TOP2B: variants seen among roughly 807,000 people sequenced by gnomAD.
TOP2B encodes DNA topoisomerase II beta, also known as DNA topoisomerase 2-beta.
TOP2B carries 51 observed loss-of-function variants against 193.5 expected under a neutral mutation model. That is an observed-to-expected ratio of 0.26 (90% CI 0.21 to 0.33). The LOEUF is 0.33. Ranked by LOEUF, TOP2B falls within the 10% of genes least tolerant of loss-of-function variation. The pLI, the probability that TOP2B is intolerant of heterozygous loss-of-function variation, is 1.00. For missense variants in TOP2B, 1,378 were observed against 1,909.3 expected (o/e 0.72, Z 5.19); for synonymous variants, 634 against 635.7 (o/e 1.00, Z 0.04).
chr3:25,630,325 G>C lies in TOP2B; in HGVS notation c.1550C>G (p.Ala517Gly). 1 of 1,551,268 alleles carries C rather than the reference G, an allele frequency of 6.4e-7. No individual in the cohort carries two copies. The highest frequency in any genetic ancestry group is 8.7e-7 in the Non-Finnish European group (1 of 1,146,688). ...ACACATACATACCTGTTTATGAGAAGCTTCCCGTACATTAAGAATTTTGCC... is the reference window on the plus strand; with the variant it reads ...ACACATACATACCTGTTTATGAGAACCTTCCCGTACATTAAGAATTTTGCC... Reference protein sequence around the residue: ...LRGKILNVREASHKQIMENAE... With the variant: ...LRGKILNVREGSHKQIMENAE... Residue 517 changes from alanine (A) to glycine (G), a missense_variant, in exon 12 of 36, where the codon GCT becomes GGT. This residue lies in a region of TOP2B where 66 missense variants were observed against 153.3 expected (regional missense o/e 0.43). Transcript: ENST00000264331.
chr3:25,635,755 G>T (rs2125385008), intron 7 of TOP2B, among the ~76,000 whole-genome samples, 181 bp downstream of exon 7: 1 of 148,524 alleles, frequency 6.7e-6, no homozygotes, highest in Non-Finnish European at 1.5e-5. Context: ...GGAAAGGAAA[G>T]AACAAGACAG....
Position 25,609,794 on chromosome 3 carries a change from C to T in TOP2B, c.3787-82G>A, listed in dbSNP as rs145608910. On this transcript the variant is annotated intron_variant, in intron 28 of 35. Transcript: ENST00000264331. ...AGAGATAGTTTCAATCAACAGATAG[C>T]GCCTTCAAATCAGGTAAATTTAAAA... The T allele has an allele frequency of 4.3e-4, 574 of 1,330,102 alleles. 3 individuals are homozygous for T. The South Asian group carries it at 7.8e-3, about 18-fold the overall frequency. 82.4% of individuals were successfully genotyped at this position (1,330,102 alleles called of 1,614,324 possible). A position where few individuals can be genotyped will look rare whatever the true frequency, so the allele number is the denominator to read the frequency against.
At chr3:25,658,070 A>AAAACAAAAAAAAAAAAAAC in intron 1 of TOP2B, among the ~76,000 whole-genome samples, 1 of 74,612 alleles carries the variant, frequency 1.3e-5, no homozygotes, top group Non-Finnish European at 2.5e-5. Context: ...CAAAAAAAAA[A>AAAACAAAAAAAAAAAAAAC]AAAAAAAATT....
chr3:25,625,569 G>GT (rs754963649), intron 18 of TOP2B, among the ~76,000 whole-genome samples: 5 of 151,734 alleles, frequency 3.3e-5, no homozygotes, highest in Non-Finnish European at 5.9e-5. Flanking sequence ...TTTGTTTTTT[G>GT]GTTTTTTTGC....
intron 33 of TOP2B, among the ~76,000 whole-genome samples, chr3:25,604,212 T>C (rs1184001038): frequency 1.3e-5 from 2 of 152,322 alleles, no homozygotes; most frequent in Non-Finnish European, 2.9e-5. Context: ...GTGGGGTTTT[T>C]TTTAAGTGTC....
intron 1 of TOP2B, among the ~76,000 whole-genome samples, chr3:25,656,056 T>C (rs1032400325): frequency 5.9e-5 from 9 of 152,158 alleles, no homozygotes; most frequent in Non-Finnish European, 1.2e-4. Context: ...ACATGTGAAA[T>C]GTAGATGACT....
intron 7 of TOP2B, among the ~76,000 whole-genome samples, chr3:25,635,645 T>A (rs1412849924): frequency 6.6e-6 from 1 of 151,184 alleles, no homozygotes; most frequent in Non-Finnish European, 1.5e-5. Flanking sequence ...GGGATAGAAA[T>A]TAAACCAATA....
At position 25,598,199 on chromosome 3, in the gene TOP2B, A is replaced by AATT. The variant is rs1445559716; in HGVS notation, c.*105_*107dup. 1.0e-5 allele frequency: 12 copies of AATT among 1,192,778 alleles called. No individual in the cohort carries two copies. The highest frequency in any genetic ancestry group is 6.1e-5 in the African/African-American group (4 of 65,246). The allele number at this position is 1,192,778 out of a possible 1,614,324, so 73.9% of individuals were successfully genotyped here. On this transcript the variant is annotated 3_prime_UTR_variant, in exon 36 of 36. Coordinates refer to ENST00000264331, the MANE Select transcript of TOP2B (RefSeq NM_001330700.2). ...CCTACCACAATAATAAAAAACCGTC[A>AATT]ATTACATCATCACATTAAAATAAGC...
chr3:25,618,538 CAAGAT>C lies in TOP2B; in HGVS notation c.3260-34_3260-30del, dbSNP rs1702572356. On this transcript the variant is annotated intron_variant, in intron 24 of 35. Transcript: ENST00000264331. ...TGTGAGGGAAAAATAAAGTTAGGATCAAGATAAGAGATTCAATTTGTATTTGCTTA... is the reference window on the plus strand; with the variant it reads ...TGTGAGGGAAAAATAAAGTTAGGATCAAGAGATTCAATTTGTATTTGCTTA... 5 of 1,580,010 alleles carry C rather than the reference CAAGAT, an allele frequency of 3.2e-6. No homozygotes were observed. In the African/African-American group the frequency reaches 4.1e-5, roughly 13 times the overall value.
rs1236100241 is a variant in TOP2B, at chr3:25,637,315, G to A, written c.542-3C>T. On this transcript the variant is annotated splice_polypyrimidine_tract_variant and splice_region_variant and intron_variant, in intron 5 of 35. Coordinates refer to ENST00000264331, the MANE Select transcript of TOP2B (RefSeq NM_001330700.2). ...TGCACCATAACCATTACGACCACCT[G>A]TAAGAAAAATTAAATGTAAAAGGTT... The A allele has an allele frequency of 1.3e-6, 2 of 1,540,790 alleles. No individual in the cohort carries two copies. Among genetic ancestry groups the A allele is most frequent in the South Asian group, 1.2e-5 (1 of 82,502 alleles).
Position 25,609,548 on chromosome 3 carries a change from A to G in TOP2B, c.3931+20T>C. ...ATATTTTTTCTCTCACACACATGCA[A>G]AACTATAATCATTTCTCACCAGGCT... On this transcript the variant is annotated intron_variant, in intron 29 of 35. Coordinates refer to ENST00000264331, the MANE Select transcript of TOP2B (RefSeq NM_001330700.2). 1 of 1,601,588 alleles carries G rather than the reference A, an allele frequency of 6.2e-7. No individual in the cohort carries two copies. Among genetic ancestry groups the G allele is most frequent in the Non-Finnish European group, 8.5e-7 (1 of 1,173,764 alleles).
Position 25,633,837 on chromosome 3 carries a change from T to G in TOP2B, c.1026+4A>C. The G allele has an allele frequency of 6.2e-7, 1 of 1,601,766 alleles. No individual in the cohort carries two copies. The highest frequency in any genetic ancestry group is 8.5e-7 in the Non-Finnish European group (1 of 1,174,508). On this transcript the variant is annotated splice_donor_region_variant and intron_variant, in intron 8 of 35. Coordinates refer to ENST00000264331, the MANE Select transcript of TOP2B (RefSeq NM_001330700.2). ...ACTTGGAAACAAATAATTTGCTTACTTACTTTTGTAGTTGCAATACTATTT... is the reference window on the plus strand; with the variant it reads ...ACTTGGAAACAAATAATTTGCTTACGTACTTTTGTAGTTGCAATACTATTT...
chr3:25,648,557 T>G (rs1703478784), intron 1 of TOP2B, among the ~76,000 whole-genome samples: 1 of 152,162 alleles, frequency 6.6e-6, no homozygotes, highest in South Asian at 2.1e-4. Flanking sequence ...GCCGATTCAA[T>G]GTAAAAAACT....
intron 18 of TOP2B, chr3:25,625,068 G>A: frequency 3.8e-6 from 1 of 263,402 alleles, no homozygotes; most frequent in Non-Finnish European, 7.2e-6. Flanking sequence ...ACAACATTCT[G>A]GCCTTAAAGA....
At chr3:25,640,813 A>G (rs1003238433) in intron 4 of TOP2B, among the ~76,000 whole-genome samples, 7 of 142,218 alleles carry the variant, frequency 4.9e-5, no homozygotes, top group Non-Finnish European at 9.0e-5. Flanking sequence ...GCTAGAGTAC[A>G]GTGGCACAAT....
At chr3:25,619,213 A>G (rs911780874) in intron 23 of TOP2B, among the ~76,000 whole-genome samples, 16 of 152,170 alleles carry the variant, frequency 1.1e-4, no homozygotes, top group African/African-American at 3.9e-4. Context: ...AAAATGTTCA[A>G]GTTTTTCCTC....
intron 25 of TOP2B, among the ~76,000 whole-genome samples, chr3:25,617,105 A>G (rs1301152768): frequency 6.6e-6 from 1 of 152,150 alleles, no homozygotes; most frequent in African/African-American, 2.4e-5. Context: ...AATAACTGAA[A>G]TCAAGCTAGG....
rs983289701 is a variant in TOP2B, at chr3:25,644,484, T to G, written c.241-700A>C. On this transcript the variant is annotated intron_variant, in intron 2 of 35. Coordinates refer to ENST00000264331, the MANE Select transcript of TOP2B (RefSeq NM_001330700.2). Reference sequence around the variant, plus strand: ...GGGGGGCCAAGGTGGATGGATCACCTGAGGTCAGGAGTTCAAGACCAGCCT... The same window carrying G: ...GGGGGGCCAAGGTGGATGGATCACCGGAGGTCAGGAGTTCAAGACCAGCCT... Among the ~76,000 whole-genome samples, 7 of 152,012 alleles carry G rather than the reference T, an allele frequency of 4.6e-5. 1 individual carries two copies.
intron 1 of TOP2B, among the ~76,000 whole-genome samples, chr3:25,651,843 C>T (rs1703599700): frequency 7.0e-6 from 1 of 142,058 alleles, no homozygotes; most frequent in African/African-American, 2.6e-5. Context: ...TCAGCCTGGA[C>T]AACAGAGGGA....
Sources: allele counts gnomAD v4.1 joint callset (sites outside exome capture counted in the v4.1 genomes callset), GRCh38; gene constraint gnomAD v4.1.1; regional missense constraint gnomAD v4.1.1; transcripts MANE v1.5; gene names NCBI Gene and HGNC (gene_info 2026-07-23, HGNC 2026-07-21).